The following SENP7 variants were observed in gnomAD, a reference collection of about 807,000 sequenced individuals.
SENP7 encodes sentrin-specific protease 7.
In SENP7, 64 loss-of-function variants were observed where a neutral mutation model predicts 141.2. The ratio of observed to expected loss-of-function variants is 0.45; its 90% CI spans 0.37 to 0.56. The LOEUF is 0.56. Among genes scored for constraint, SENP7 ranks in the 20% least tolerant of loss-of-function variants. The pLI, the probability that SENP7 is intolerant of heterozygous loss-of-function variation, is 0.00. For synonymous variants in SENP7, 382 were observed against 426.4 expected (o/e 0.90, Z 1.28); for missense variants, 1,025 against 1,212.2 (o/e 0.85, Z 2.29).
chr3:101,478,619 C>T (rs2064321044), intron 3 of SENP7, among the ~76,000 whole-genome samples: 2 of 152,084 alleles, frequency 1.3e-5, no homozygotes, highest in Admixed American at 6.6e-5. Context: ...ACCAAACTTA[C>T]AAAGAAGAAT....
Position 101,328,549 on chromosome 3 carries a change from A to G in SENP7, c.2796-3T>C, listed in dbSNP as rs1219192640. On this transcript the variant is annotated splice_region_variant and splice_polypyrimidine_tract_variant and intron_variant, in intron 21 of 23. Coordinates refer to ENST00000394095, the MANE Select transcript of SENP7 (RefSeq NM_020654.5). ...AGTCTAGTATAAGAATACATGGCCT[A>G]TGAAAAGCAAAGGACAAAATCAAGA... is the stretch of plus-strand genomic sequence containing the variant. 6.2e-7 allele frequency: 1 copy of G among 1,612,022 alleles called. No homozygotes were observed. The highest frequency in any genetic ancestry group is 2.2e-5 in the East Asian group (1 of 44,702).
chr3:101,402,426 C>A (rs1172926958), intron 5 of SENP7, among the ~76,000 whole-genome samples: 1 of 151,956 alleles, frequency 6.6e-6, no homozygotes, highest in Non-Finnish European at 1.5e-5. Context: ...GAGTTCGAGA[C>A]CAGCCTGGCC....
chr3:101,343,623 T>C, intron 14 of SENP7, 63 bp downstream of exon 14: 5 of 1,497,932 alleles, frequency 3.3e-6, no homozygotes, highest in Non-Finnish European at 3.6e-6. Flanking sequence ...CAGCCTAATA[T>C]CAATGAATAA....
chr3:101,431,696 A>G (rs970446537), intron 4 of SENP7, among the ~76,000 whole-genome samples: 9 of 151,668 alleles, frequency 5.9e-5, no homozygotes, highest in African/African-American at 1.7e-4. Context: ...AGGAAGGAGA[A>G]TCGCTTGAAC....
At chr3:101,384,879 C>T (rs972843475) in intron 6 of SENP7, among the ~76,000 whole-genome samples, 8 of 152,208 alleles carry the variant, frequency 5.3e-5, no homozygotes, top group African/African-American at 1.9e-4. Flanking sequence ...TGCTGCTATG[C>T]TTCCTGTACA....
intron 4 of SENP7, among the ~76,000 whole-genome samples, chr3:101,443,645 C>A (rs2062769375): frequency 6.6e-6 from 1 of 150,860 alleles, no homozygotes; most frequent in African/African-American, 2.5e-5. Flanking sequence ...GTTTGTAGTT[C>A]TCCTTGAAGA....
chr3:101,486,916 T>G (rs1375404028), intron 3 of SENP7, among the ~76,000 whole-genome samples: 1 of 151,802 alleles, frequency 6.6e-6, no homozygotes, highest in African/African-American at 2.4e-5. Flanking sequence ...GGTAAAGGGG[T>G]GGAAAATGGC....
intron 5 of SENP7, among the ~76,000 whole-genome samples, chr3:101,411,350 T>TA (rs1401698003): frequency 1.3e-5 from 2 of 152,338 alleles, no homozygotes; most frequent in South Asian, 2.1e-4. Context: ...GCAATCTTGA[T>TA]AAAAAATCTT....
At chr3:101,353,629 T>G (rs1236838588) in intron 11 of SENP7, among the ~76,000 whole-genome samples, 1 of 152,064 alleles carries the variant, frequency 6.6e-6, no homozygotes, top group Non-Finnish European at 1.5e-5. Context: ...ATTTTATAAT[T>G]TCTTACAATA....
chr3:101,433,512 G>T (rs2062264288), intron 4 of SENP7, among the ~76,000 whole-genome samples: 1 of 151,948 alleles, frequency 6.6e-6, no homozygotes, highest in South Asian at 2.1e-4. Flanking sequence ...TTGATCTGTT[G>T]CCTAAAAGAA....
At chr3:101,418,611 T>C (rs960220556) in intron 4 of SENP7, among the ~76,000 whole-genome samples, 4 of 152,114 alleles carry the variant, frequency 2.6e-5, no homozygotes, top group African/African-American at 9.7e-5. Flanking sequence ...TTTTGTTTGT[T>C]TGCTTAACAA....
chr3:101,353,883 A>G (rs2059671188), intron 11 of SENP7, among the ~76,000 whole-genome samples: 1 of 152,154 alleles, frequency 6.6e-6, no homozygotes, highest in Non-Finnish European at 1.5e-5. Flanking sequence ...ATAATGCTTA[A>G]CACATAGTAG....
intron 10 of SENP7, among the ~76,000 whole-genome samples, chr3:101,362,382 G>A (rs201429302): frequency 3.3e-5 from 5 of 152,106 alleles, no homozygotes; most frequent in Admixed American, 6.6e-5. Flanking sequence ...AGATTCAAAT[G>A]CACGTTTCTC....
At chr3:101,405,418 A>T (rs184742792) in intron 5 of SENP7, among the ~76,000 whole-genome samples, 24 of 152,332 alleles carry the variant, frequency 1.6e-4, no homozygotes, top group East Asian at 9.7e-4. Flanking sequence ...CATGGGACAA[A>T]GGAATCTGAA....
At chr3:101,450,878 G>A (rs1007699079) in intron 4 of SENP7, among the ~76,000 whole-genome samples, 2 of 151,986 alleles carry the variant, frequency 1.3e-5, no homozygotes, top group African/African-American at 4.8e-5. Flanking sequence ...CAGAACTGAA[G>A]GAAATAGAGA....
At chr3:101,366,249 G>A (rs764233786) in intron 9 of SENP7, among the ~76,000 whole-genome samples, 181 bp downstream of exon 9, 5 of 152,140 alleles carry the variant, frequency 3.3e-5, no homozygotes, top group South Asian at 4.1e-4. Context: ...TACCTAAATC[G>A]ATATTTTAAA....
chr3:101,433,345 A>G (rs2107727797), intron 4 of SENP7, among the ~76,000 whole-genome samples: 1 of 55,688 alleles, frequency 1.8e-5, no homozygotes, highest in African/African-American at 5.1e-5. Flanking sequence ...AAAAAAAGGA[A>G]AAAAAAAAAC....
chr3:101,387,836 C>A (rs1471792731), intron 6 of SENP7, among the ~76,000 whole-genome samples: 2 of 152,232 alleles, frequency 1.3e-5, no homozygotes, highest in East Asian at 3.9e-4. Flanking sequence ...GCCATCACTG[C>A]CAATGAGCAC....
In SENP7 at chr3:101,328,676, T is replaced by C; in HGVS notation, c.2765A>G (p.Asn922Ser). 2 of 1,606,532 alleles carry C rather than the reference T, an allele frequency of 1.2e-6. No homozygotes were observed. Among genetic ancestry groups the C allele is most frequent in the Non-Finnish European group, 1.7e-6 (2 of 1,175,440 alleles). ...ACACATTTTCTTTGGTACTGACATA[T>C]TCGACTCGGTACTCTGAAATAACAT... ...SAEDSQSTESNMSVPKKMCKR... is the reference protein window; with the variant it reads ...SAEDSQSTESSMSVPKKMCKR... Residue 922 changes from asparagine to serine, a missense_variant, in exon 21 of 24, where the codon AAT (asparagine) becomes AGT (serine). Physicochemically the swap from Asn to Ser is conservative, Grantham distance 46. Around this residue, in one of 4 missense-constraint regions of SENP7, gnomAD observed 295 missense variants for 459.1 expected, o/e 0.64. Transcript: ENST00000394095.
Sources: gnomAD v4.1 joint callset for allele counts (sites outside exome capture counted in the v4.1 genomes callset) on GRCh38, gnomAD v4.1.1 for gene constraint, gnomAD v4.1.1 regional missense constraint, MANE v1.5 for transcripts, NCBI Gene and HGNC (gene_info 2026-07-23, HGNC 2026-07-21) for gene names.